Variants in FLYWCH1 observed in about 807,000 individuals in gnomAD.
FLYWCH1 encodes the protein FLYWCH-type zinc finger 1.
Under a neutral mutation model 66.4 loss-of-function variants are expected in FLYWCH1, and 75 were observed. That is an observed-to-expected ratio of 1.13 (90% CI 0.94 to 1.37). FLYWCH1 has a LOEUF of 1.37. Among genes scored for constraint, FLYWCH1 ranks in the 40% most tolerant of loss-of-function variants. FLYWCH1 has a pLI of 0.00. For synonymous variants in FLYWCH1, 595 were observed against 429.9 expected (o/e 1.38, Z -4.75); for missense variants, 1,334 against 1,001.8 (o/e 1.33, Z -4.48).
Position 2,912,103 on chromosome 16 carries a change from G to A in FLYWCH1, c.-239G>A, listed in dbSNP as rs3743948. On this transcript the variant is annotated 5_prime_UTR_variant, in exon 1 of 10. Coordinates refer to ENST00000253928, the MANE Select transcript of FLYWCH1 (RefSeq NM_001308068.2). ...GCTCGCTGCTGCAGCGGCAGAGGCT[G>A]AAGGATCCGCCGCGGCGCTGTCGCG... 117,211 of 152,248 alleles carry A rather than the reference G, an allele frequency of 0.77. 46,455 individuals carry two copies. Among genetic ancestry groups the A allele is most frequent in the Non-Finnish European group, 0.87 (59,385 of 68,138 alleles). The allele number at this position is 152,248 out of a possible 1,614,324, so 9.4% of individuals were successfully genotyped here.
intron 7 of FLYWCH1, 31 bp downstream of exon 7, chr16:2,937,415 C>T (rs1385016230): frequency 1.3e-6 from 2 of 1,502,636 alleles, no homozygotes; most frequent in Non-Finnish European, 1.8e-6. Context: ...GCTGGGTCTG[C>T]CTGGTCTCCC....
intron 4 of FLYWCH1, among the ~76,000 whole-genome samples, chr16:2,931,348 G>T (rs1309230728): frequency 6.6e-6 from 1 of 150,956 alleles, no homozygotes; most frequent in Non-Finnish European, 1.5e-5. Flanking sequence ...ATGTGGGCTG[G>T]GCACAGTGTT....
chr16:2,933,616 G>A, intron 5 of FLYWCH1, 34 bp downstream of exon 5: 12 of 1,565,880 alleles, frequency 7.7e-6, no homozygotes, highest in South Asian at 1.2e-5. Flanking sequence ...CACCGGCCCT[G>A]CCTTGACTCT....
At position 2,948,730 on chromosome 16, in the gene FLYWCH1, C is replaced by A; in HGVS notation, c.*3C>A. 9 of 1,613,778 alleles carry A rather than the reference C, an allele frequency of 5.6e-6. No individual in the cohort carries two copies. The highest frequency in any genetic ancestry group is 7.6e-6 in the Non-Finnish European group (9 of 1,179,712). On this transcript the variant is annotated 3_prime_UTR_variant, in exon 10 of 10. Coordinates refer to ENST00000253928, the MANE Select transcript of FLYWCH1 (RefSeq NM_001308068.2). ...GACTGGATGGCGAGTCCCAGTGAGG[C>A]GATGTGGGCAGAGGAGCTCCGAGCC...
intron 7 of FLYWCH1, 118 bp downstream of exon 7, chr16:2,937,502 G>A: frequency 8.2e-7 from 1 of 1,223,030 alleles, no homozygotes; most frequent in East Asian, 2.8e-5. Flanking sequence ...TGACAGCCGG[G>A]GCCATAAACT....
At chr16:2,913,605 G>C (rs1027302849) in intron 1 of FLYWCH1, among the ~76,000 whole-genome samples, 5 of 152,188 alleles carry the variant, frequency 3.3e-5, no homozygotes, top group Non-Finnish European at 7.3e-5. Context: ...GAACAGGACA[G>C]CCTCCCACAG....
At chr16:2,933,662 T>G (rs1380221345) in intron 5 of FLYWCH1, 54 bp from the exon 6 acceptor site, 27 of 1,573,152 alleles carry the variant, frequency 1.7e-5, no homozygotes, top group Non-Finnish European at 2.2e-5. Flanking sequence ...GGGGGTGCGA[T>G]CAGGCCTACC....
chr16:2,937,706 C>G (rs868621998), intron 7 of FLYWCH1, among the ~76,000 whole-genome samples: 1 of 152,142 alleles, frequency 6.6e-6, no homozygotes, highest in Non-Finnish European at 1.5e-5. Context: ...CCTGGACACT[C>G]TTGGTCTACC....
intron 2 of FLYWCH1, among the ~76,000 whole-genome samples, chr16:2,918,916 T>A (rs1055563115): frequency 4.6e-5 from 7 of 152,168 alleles, no homozygotes; most frequent in African/African-American, 1.7e-4. Context: ...AGAAAGATAG[T>A]CTTTACTGAA....
At chr16:2,916,317 G>A (rs1192726432) in intron 2 of FLYWCH1, among the ~76,000 whole-genome samples, 4 of 152,118 alleles carry the variant, frequency 2.6e-5, no homozygotes, top group African/African-American at 7.2e-5. Flanking sequence ...TCCAGCCTGG[G>A]CAACAGAGTG....
chr16:2,936,232 G>A (rs9933986), intron 6 of FLYWCH1: 8 of 358,030 alleles, frequency 2.2e-5, no homozygotes, highest in East Asian at 7.6e-5. Context: ...ATTTTCATCC[G>A]TGTGGAAGGG....
intron 9 of FLYWCH1, among the ~76,000 whole-genome samples, chr16:2,944,317 G>C (rs991798308): frequency 2.0e-5 from 3 of 151,170 alleles, no homozygotes; most frequent in African/African-American, 4.9e-5. Context: ...TTGAAACTGG[G>C]AGGTGGAGGT....
intron 6 of FLYWCH1, among the ~76,000 whole-genome samples, chr16:2,934,375 A>T (rs2070908195): frequency 1.3e-5 from 2 of 152,106 alleles, no homozygotes; most frequent in Non-Finnish European, 2.9e-5. Flanking sequence ...GGTGATATTT[A>T]CTTACATGCA....
At chr16:2,923,761 G>A (rs1250680231) in intron 2 of FLYWCH1, among the ~76,000 whole-genome samples, 3 of 152,070 alleles carry the variant, frequency 2.0e-5, no homozygotes, top group African/African-American at 4.8e-5. Flanking sequence ...GAATCGGCCC[G>A]GCGTAGTGGC....
intron 1 of FLYWCH1, chr16:2,913,319 G>A (rs115366372): frequency 6.6e-6 from 1 of 152,234 alleles, no homozygotes; most frequent in Non-Finnish European, 1.5e-5. Flanking sequence ...AGGCATAGAG[G>A]GAGAGAGATT....
intron 9 of FLYWCH1, among the ~76,000 whole-genome samples, chr16:2,947,373 C>G (rs1157970640): frequency 2.6e-5 from 4 of 151,970 alleles, no homozygotes; most frequent in Admixed American, 2.6e-4. Flanking sequence ...GTGAAATGTT[C>G]TAAATGTGAT....
At chr16:2,922,953 G>C (rs2070427552) in intron 2 of FLYWCH1, 3 of 523,326 alleles carry the variant, frequency 5.7e-6, no homozygotes, top group Non-Finnish European at 1.1e-5. Context: ...GGATATTTGG[G>C]CTGCCTCCGG....
At chr16:2,914,884 G>A (rs1261072669) in intron 2 of FLYWCH1, among the ~76,000 whole-genome samples, 1 of 147,532 alleles carries the variant, frequency 6.8e-6, no homozygotes, top group Non-Finnish European at 1.5e-5. Flanking sequence ...ACTCCAGCCT[G>A]GGCGACAGAG....
Position 2,933,983 on chromosome 16 carries a change from C to A in FLYWCH1, c.1513+4C>A. ...ACGGCGCAGCGGGGGAGCCCAGGTACCTGGGGGTGGGCTGGGAGCTGGGCC... is the reference window on the plus strand; with the variant it reads ...ACGGCGCAGCGGGGGAGCCCAGGTAACTGGGGGTGGGCTGGGAGCTGGGCC... On this transcript the variant is annotated splice_donor_region_variant and intron_variant, in intron 6 of 9. Transcript: ENST00000253928. 6.6e-7 allele frequency: 1 copy of A among 1,520,858 alleles called. No individual in the cohort carries two copies. Among genetic ancestry groups the A allele is most frequent in the South Asian group, 1.2e-5 (1 of 82,052 alleles). The allele number at this position is 1,520,858 out of a possible 1,614,324, so 94.2% of individuals were successfully genotyped here.
Sources: allele counts gnomAD v4.1 joint callset (sites outside exome capture counted in the v4.1 genomes callset), GRCh38; gene constraint gnomAD v4.1.1; transcripts MANE v1.5; gene names NCBI Gene and HGNC (gene_info 2026-07-23, HGNC 2026-07-21).